Variants in SLC4A4 observed in about 807,000 individuals in gnomAD.
SLC4A4 encodes the protein electrogenic sodium bicarbonate cotransporter 1.
A neutral mutation model predicts 111.5 loss-of-function variants in SLC4A4; 27 were observed. The observed-to-expected ratio is 0.24, with a 90% CI of 0.18 to 0.33. SLC4A4 has a LOEUF of 0.33. SLC4A4 is among the 10% of genes least tolerant of loss of function. The pLI is 1.00. For synonymous variants in SLC4A4, 443 were observed against 463.4 expected, an observed-to-expected ratio of 0.96 and a Z score of 0.57; for missense variants, 909 against 1,315.5, an observed-to-expected ratio of 0.69 and a Z score of 4.78.
At chr4:71,107,987 T>C (rs1742991303) in intron 2 of SLC4A4, among the ~76,000 whole-genome samples, 1 of 152,206 alleles carries the variant, frequency 6.6e-6, no homozygotes, top group Non-Finnish European at 1.5e-5. Flanking sequence ...ACATTTAACA[T>C]CCTGAAGTTA....
Position 71,268,077 on chromosome 4 carries a change from T to G in SLC4A4, c.253+12678T>G, listed in dbSNP as rs867552630. Among the ~76,000 whole-genome samples the G allele has an allele frequency of 1.2e-3, 171 of 138,676 alleles. 2 individuals are homozygous for G. Among genetic ancestry groups the G allele is most frequent in the African/African-American group, 4.7e-3 (161 of 34,294 alleles). The allele number at this position is 138,676 out of a possible 152,430, so 91.0% of individuals were successfully genotyped here. A position where few individuals can be genotyped will look rare whatever the true frequency, so the allele number is the denominator to read the frequency against. On this transcript the variant is annotated intron_variant, in intron 3 of 25. Coordinates refer to ENST00000264485, the MANE Select transcript of SLC4A4 (RefSeq NM_001098484.3). Reference sequence around the variant, plus strand: ...ATCAGTGTGCCAAATAAAGTAGTGTTTTTTTTTTTTTTTTTTTTTTGCCAC... The same window carrying G: ...ATCAGTGTGCCAAATAAAGTAGTGTGTTTTTTTTTTTTTTTTTTTTGCCAC...
chr4:71,511,046 G>A (rs1212628554), intron 16 of SLC4A4, among the ~76,000 whole-genome samples: 4 of 152,010 alleles, frequency 2.6e-5, no homozygotes, highest in Non-Finnish European at 5.9e-5. Context: ...ATTTTACAAT[G>A]TATATCTTTT....
intron 2 of SLC4A4, among the ~76,000 whole-genome samples, chr4:71,240,108 C>T (rs181595628): frequency 3.5e-4 from 53 of 152,174 alleles, no homozygotes; most frequent in African/African-American, 1.1e-3. Context: ...TTGCTAATTA[C>T]GTAGTGAATG....
intron 6 of SLC4A4, among the ~76,000 whole-genome samples, chr4:71,373,904 G>A (rs1034385857): frequency 6.6e-6 from 1 of 152,170 alleles, no homozygotes; most frequent in African/African-American, 2.4e-5. Flanking sequence ...GCCTCAGGAG[G>A]TAGCAACCAG....
At chr4:71,419,947 G>C (rs939327407) in intron 7 of SLC4A4, among the ~76,000 whole-genome samples, 4 of 152,172 alleles carry the variant, frequency 2.6e-5, no homozygotes, top group Non-Finnish European at 5.9e-5. Context: ...CTCCTCCAAA[G>C]GAAAGCAGTT....
Position 71,143,998 on chromosome 4 carries a change from GT to G in SLC4A4, c.-2+51210del, listed in dbSNP as rs1408811192. ...GGCTTTTGTTGCCATTGCTTTTGGT[GT>G]TTTAGTCATGAAGTCCTTGCCCATG... is the stretch of plus-strand genomic sequence containing the variant. On this transcript the variant is annotated intron_variant, in intron 2 of 26. Coordinates refer to the SLC4A4 transcript ENST00000649996. Among the ~76,000 whole-genome samples, 5 of 152,262 alleles carry G rather than the reference GT, an allele frequency of 3.3e-5. No homozygotes were observed. The East Asian group carries it at 9.6e-4, about 29-fold the overall frequency.
In SLC4A4 at chr4:71,560,105, G is replaced by A; in HGVS notation, c.2950G>A (p.Val984Ile). 6.2e-7 allele frequency: 1 copy of A among 1,610,232 alleles called. No homozygotes were observed. Among genetic ancestry groups the A allele is most frequent in the Non-Finnish European group, 8.5e-7 (1 of 1,177,116 alleles). ...TTTGCTCTTTCAGATCTTGGCACTT[G>A]TAGCTGTCAGAAAAGGCATGGACTA... is the stretch of plus-strand genomic sequence containing the variant. ...IIFPVMILALVAVRKGMDYLF... is the reference protein window; with the variant it reads ...IIFPVMILALIAVRKGMDYLF... The change falls in exon 23 of 26, where the codon GTA (valine) becomes ATA (isoleucine). Residue 984 changes from valine to isoleucine, a missense_variant. Transcript: ENST00000264485.
At chr4:71,085,545 C>T (rs1283204017) in intron 1 of SLC4A4, among the ~76,000 whole-genome samples, 12 of 152,042 alleles carry the variant, frequency 7.9e-5, no homozygotes, top group Admixed American at 6.5e-4. Flanking sequence ...TTAGGTCTGA[C>T]ATTTAAGTCT....
At chr4:71,136,967 C>T (rs1249258670) in intron 2 of SLC4A4, among the ~76,000 whole-genome samples, 1 of 152,166 alleles carries the variant, frequency 6.6e-6, no homozygotes, top group Non-Finnish European at 1.5e-5. Flanking sequence ...TGCTCTTACT[C>T]TTGACCAAAG....
intron 1 of SLC4A4, among the ~76,000 whole-genome samples, chr4:71,195,103 AAAT>A (rs1745926662): frequency 6.6e-6 from 1 of 152,056 alleles, no homozygotes; most frequent in Admixed American, 6.5e-5. Context: ...ATCTTCCTTT[AAAT>A]AACAGTAGGT....
At chr4:71,480,307 G>A (rs1728759585) in intron 14 of SLC4A4, among the ~76,000 whole-genome samples, 1 of 151,092 alleles carries the variant, frequency 6.6e-6, no homozygotes, top group Non-Finnish European at 1.5e-5. Flanking sequence ...AACTTGCCTA[G>A]TTGTGGTGAA....
At chr4:71,448,913 C>A (rs968718587) in intron 9 of SLC4A4, among the ~76,000 whole-genome samples, 1 of 152,162 alleles carries the variant, frequency 6.6e-6, no homozygotes, top group Non-Finnish European at 1.5e-5. Context: ...TGCTTTTTCC[C>A]TTCAAGGGAA....
chr4:71,450,031 A>G (rs1436794621), intron 9 of SLC4A4, among the ~76,000 whole-genome samples: 1 of 152,134 alleles, frequency 6.6e-6, no homozygotes, highest in Non-Finnish European at 1.5e-5. Context: ...TTTTTATTTC[A>G]GGGAATGACT....
At chr4:71,145,082 G>A (rs993795760) in intron 2 of SLC4A4, among the ~76,000 whole-genome samples, 9 of 152,126 alleles carry the variant, frequency 5.9e-5, no homozygotes, top group African/African-American at 1.2e-4. Flanking sequence ...TTGGCTGTGC[G>A]TTTGTCATAG....
At chr4:71,513,153 AT>A (rs201869129) in intron 16 of SLC4A4, among the ~76,000 whole-genome samples, 45 of 151,348 alleles carry the variant, frequency 3.0e-4, no homozygotes, top group Admixed American at 5.9e-4. Context: ...ATTAAATAGG[AT>A]TTTTTTTTCT....
At chr4:71,425,955 A>G (rs1208032880) in intron 7 of SLC4A4, among the ~76,000 whole-genome samples, 1 of 152,056 alleles carries the variant, frequency 6.6e-6, no homozygotes, top group African/African-American at 2.4e-5. Context: ...TGGAAAGGGA[A>G]AGGGAATCTC....
At chr4:71,338,536 T>G (rs1728612127) in intron 3 of SLC4A4, among the ~76,000 whole-genome samples, 1 of 151,906 alleles carries the variant, frequency 6.6e-6, no homozygotes, top group Non-Finnish European at 1.5e-5. Flanking sequence ...TTCTTCTTCT[T>G]CTTTCTTCTT....
chr4:71,478,157 TTGG>T (rs1728538858), intron 14 of SLC4A4, among the ~76,000 whole-genome samples: 2 of 151,944 alleles, frequency 1.3e-5, no homozygotes, highest in Non-Finnish European at 2.9e-5. Flanking sequence ...TTTCACACTG[TTGG>T]TGGGAGTGTA....
At chr4:71,200,559 C>T (rs570467192) in intron 1 of SLC4A4, among the ~76,000 whole-genome samples, 1 of 152,238 alleles carries the variant, frequency 6.6e-6, no homozygotes, top group Non-Finnish European at 1.5e-5. Context: ...CTTATTTAGA[C>T]ACAGCTATGA....
Sources: gnomAD v4.1 joint callset for allele counts (sites outside exome capture counted in the v4.1 genomes callset) on GRCh38, gnomAD v4.1.1 for gene constraint, MANE v1.5 for transcripts, NCBI Gene and HGNC (gene_info 2026-07-23, HGNC 2026-07-21) for gene names.